Variants in MLLT3 observed in about 807,000 individuals in gnomAD.
The protein encoded by MLLT3 is protein AF-9.
Under a neutral mutation model 53.2 loss-of-function variants are expected in MLLT3, and 4 were observed. The ratio of observed to expected loss-of-function variants is 0.08; its 90% CI spans 0.04 to 0.17. The LOEUF (loss-of-function observed/expected upper bound fraction) is 0.17, where lower values mean the gene tolerates loss of function less well. Among genes scored for constraint, MLLT3 ranks in the 10% least tolerant of loss-of-function variants. The pLI, the probability that MLLT3 is intolerant of heterozygous loss-of-function variation, is 1.00. For missense variants in MLLT3, 569 were observed against 684.0 expected, an observed-to-expected ratio of 0.83 and a Z score of 1.87; for synonymous variants, 283 against 230.6, an observed-to-expected ratio of 1.23 and a Z score of -2.06.
At chr9:20,452,476 A>G (rs1823864120) in intron 3 of MLLT3, among the ~76,000 whole-genome samples, 1 of 152,246 alleles carries the variant, frequency 6.6e-6, no homozygotes, top group Non-Finnish European at 1.5e-5. Context: ...ACTGTGAGTC[A>G]ATTAAACCTA....
intron 2 of MLLT3, among the ~76,000 whole-genome samples, chr9:20,488,188 T>A (rs1586988393): frequency 6.6e-6 from 1 of 152,078 alleles, no homozygotes; most frequent in East Asian, 1.9e-4. Context: ...ACAAAGTGGT[T>A]GCCAGGGGTC....
chr9:20,550,954 G>T (rs957910628), intron 2 of MLLT3, among the ~76,000 whole-genome samples: 2 of 151,922 alleles, frequency 1.3e-5, no homozygotes, highest in Non-Finnish European at 2.9e-5. Context: ...TGGTAGAAAT[G>T]GGGTCTCACT....
chr9:20,349,414 G>T (rs1057486523), intron 10 of MLLT3, among the ~76,000 whole-genome samples: 2 of 151,988 alleles, frequency 1.3e-5, no homozygotes, highest in African/African-American at 4.8e-5. Flanking sequence ...AACTGCACAT[G>T]AATTATAGAC....
chr9:20,529,482 C>T (rs1818277492), intron 2 of MLLT3, among the ~76,000 whole-genome samples: 1 of 152,104 alleles, frequency 6.6e-6, no homozygotes, highest in East Asian at 1.9e-4. Flanking sequence ...AACCCAAATA[C>T]AGTACAAAAT....
intron 5 of MLLT3, among the ~76,000 whole-genome samples, chr9:20,406,226 A>C (rs530103448): frequency 5.9e-5 from 9 of 152,268 alleles, no homozygotes; most frequent in Admixed American, 3.3e-4. Flanking sequence ...TCTGGGCCAT[A>C]TAGCGAGACC....
At chr9:20,410,338 AC>A (rs1227160404) in intron 5 of MLLT3, among the ~76,000 whole-genome samples, 1 of 152,312 alleles carries the variant, frequency 6.6e-6, no homozygotes, top group East Asian at 1.9e-4. Context: ...TAGCTAACTT[AC>A]ATTTTTTTTA....
At chr9:20,455,927 CTTTTTTT>C (rs780438955) in intron 3 of MLLT3, among the ~76,000 whole-genome samples, 1 of 116,874 alleles carries the variant, frequency 8.6e-6, no homozygotes, top group Admixed American at 8.6e-5. Context: ...CTGCTAAAAA[CTTTTTTT>C]TTTTTTTTTT....
At chr9:20,362,851 G>T (rs1251750401) in intron 7 of MLLT3, 1 of 151,500 alleles carries the variant, frequency 6.6e-6, no homozygotes, top group East Asian at 1.9e-4. Context: ...ACAAATTAAA[G>T]TAAGCATGCC....
chr9:20,377,235 T>C lies in MLLT3; in HGVS notation c.1126-11491A>G, dbSNP rs925669252. The stretch of plus-strand genomic sequence containing the variant: ...CTACTTGTCAGTTTACAATGAGATC[T>C]TGAGATTATTGTCAGAACTATTCAG... On this transcript the variant is annotated intron_variant, in intron 5 of 10. Coordinates refer to ENST00000380338, the MANE Select transcript of MLLT3 (RefSeq NM_004529.4). Among the ~76,000 whole-genome samples the C allele has an allele frequency of 7.2e-5, 11 of 152,312 alleles. No individual in the cohort carries two copies. In the South Asian group the frequency reaches 1.4e-3, roughly 20 times the overall value.
At chr9:20,522,428 A>G (rs1237227618) in intron 2 of MLLT3, among the ~76,000 whole-genome samples, 5 of 152,244 alleles carry the variant, frequency 3.3e-5, no homozygotes, top group Non-Finnish European at 4.4e-5. Context: ...AAATAATGAT[A>G]TAATCATTCT....
chr9:20,410,081 A>G (rs1822684885), intron 5 of MLLT3, among the ~76,000 whole-genome samples: 2 of 152,176 alleles, frequency 1.3e-5, no homozygotes, highest in Admixed American at 6.5e-5. Flanking sequence ...TACATTGATC[A>G]TGTAGCAGAA....
At chr9:20,528,496 ACAAT>A (rs1320522455) in intron 2 of MLLT3, among the ~76,000 whole-genome samples, 1 of 152,242 alleles carries the variant, frequency 6.6e-6, no homozygotes, top group Non-Finnish European at 1.5e-5. Flanking sequence ...CGAGTAGCTC[ACAAT>A]CAGTTTCACT....
chr9:20,433,427 T>C (rs1823326316), intron 4 of MLLT3, among the ~76,000 whole-genome samples: 1 of 151,998 alleles, frequency 6.6e-6, no homozygotes, highest in Non-Finnish European at 1.5e-5. Context: ...TGAGGAAAAA[T>C]GGGATATTTA....
At chr9:20,503,039 G>A (rs1038558028) in intron 2 of MLLT3, among the ~76,000 whole-genome samples, 2 of 151,984 alleles carry the variant, frequency 1.3e-5, no homozygotes, top group Non-Finnish European at 2.9e-5. Context: ...AAAGATTGAT[G>A]AAAAAAACTG....
At chr9:20,524,069 G>C (rs969245612) in intron 2 of MLLT3, among the ~76,000 whole-genome samples, 1 of 152,136 alleles carries the variant, frequency 6.6e-6, no homozygotes, top group Middle Eastern at 3.4e-3. Context: ...GAGCACAGTG[G>C]ATTTTTTGGA....
chr9:20,439,730 T>G (rs1672805771), intron 4 of MLLT3, among the ~76,000 whole-genome samples: 1 of 152,210 alleles, frequency 6.6e-6, no homozygotes, highest in Non-Finnish European at 1.5e-5. Flanking sequence ...CTATGCGTTA[T>G]GTTTAATATA....
chr9:20,472,700 C>T (rs1824425140), intron 2 of MLLT3, among the ~76,000 whole-genome samples: 1 of 152,028 alleles, frequency 6.6e-6, no homozygotes, highest in Admixed American at 6.6e-5. Context: ...AAAAGCTTTT[C>T]ATAAGCTATA....
intron 5 of MLLT3, among the ~76,000 whole-genome samples, chr9:20,393,206 C>G (rs889218606): frequency 2.0e-5 from 3 of 152,052 alleles, no homozygotes; most frequent in African/African-American, 7.2e-5. Context: ...TCTAGTCAAC[C>G]TTATAAAAAA....
intron 5 of MLLT3, among the ~76,000 whole-genome samples, chr9:20,409,111 G>A (rs546565158): frequency 7.2e-5 from 11 of 152,266 alleles, no homozygotes; most frequent in Admixed American, 3.3e-4. Context: ...TTTGCCAAAT[G>A]TAATTTGTCC....
Sources: allele counts gnomAD v4.1 joint callset (sites outside exome capture counted in the v4.1 genomes callset), GRCh38; gene constraint gnomAD v4.1.1; transcripts MANE v1.5; gene names NCBI Gene and HGNC (gene_info 2026-07-23, HGNC 2026-07-21).